The following GMDS variants were observed in gnomAD, a reference collection of about 807,000 sequenced individuals.
GMDS encodes the protein GDP-mannose 4,6 dehydratase.
Under a neutral mutation model 49.9 loss-of-function variants are expected in GMDS, and 20 were observed. That is an observed-to-expected ratio of 0.40 (90% CI 0.28 to 0.58). The LOEUF (loss-of-function observed/expected upper bound fraction) is 0.58. GMDS is among the 20% of genes least tolerant of loss of function. The probability of loss-of-function intolerance (pLI) is 0.42; values close to 1 mark genes in which losing one functional copy is unlikely to be tolerated. For missense variants in GMDS, 362 were observed against 481.4 expected (o/e 0.75, Z 2.32); for synonymous variants, 177 against 178.6 (o/e 0.99, Z 0.07).
intron 4 of GMDS, among the ~76,000 whole-genome samples, chr6:1,999,515 A>G (rs2127377876): frequency 6.6e-6 from 1 of 152,110 alleles, no homozygotes; most frequent in Admixed American, 6.6e-5. Context: ...GCAAGGATAC[A>G]GTGGCATGAA....
chr6:1,666,006 C>T (rs1403871533), intron 9 of GMDS, among the ~76,000 whole-genome samples: 1 of 152,172 alleles, frequency 6.6e-6, no homozygotes, highest in Non-Finnish European at 1.5e-5. Context: ...GAGTTAAACT[C>T]GACCTCTGGG....
intron 1 of GMDS, among the ~76,000 whole-genome samples, chr6:2,240,313 T>C (rs1781553938): frequency 1.3e-5 from 2 of 152,210 alleles, no homozygotes; most frequent in Non-Finnish European, 2.9e-5. Context: ...ATTATTCTGT[T>C]AACACTATGG....
intron 4 of GMDS, among the ~76,000 whole-genome samples, chr6:2,060,962 G>C (rs528444189): frequency 6.6e-6 from 1 of 152,060 alleles, no homozygotes; most frequent in African/African-American, 2.4e-5. Context: ...GGAGGTTGCG[G>C]TGAGCCAAGA....
chr6:2,102,973 T>C (rs1049059756), intron 4 of GMDS, among the ~76,000 whole-genome samples: 8 of 152,214 alleles, frequency 5.3e-5, no homozygotes, highest in African/African-American at 1.2e-4. Context: ...GCATACAAAC[T>C]GAAGTTAACA....
intron 1 of GMDS, among the ~76,000 whole-genome samples, chr6:2,183,337 T>G (rs570401484): frequency 6.6e-6 from 1 of 152,134 alleles, no homozygotes; most frequent in Non-Finnish European, 1.5e-5. Context: ...TAACATAAGT[T>G]TGGAAGAAGT....
At chr6:1,807,857 C>T (rs1376253686) in intron 7 of GMDS, among the ~76,000 whole-genome samples, 1 of 152,018 alleles carries the variant, frequency 6.6e-6, no homozygotes, top group Non-Finnish European at 1.5e-5. Context: ...TTCTTAAAGG[C>T]ACAAAAATCA....
At chr6:1,744,819 G>A (rs946696082) in intron 7 of GMDS, among the ~76,000 whole-genome samples, 12 of 152,326 alleles carry the variant, frequency 7.9e-5, no homozygotes, top group Admixed American at 2.6e-4. Flanking sequence ...TCTAGGTCCC[G>A]GACCAGGGTC....
At chr6:2,127,032 C>G (rs1034011033) in intron 1 of GMDS, among the ~76,000 whole-genome samples, 2 of 152,074 alleles carry the variant, frequency 1.3e-5, no homozygotes, top group Non-Finnish European at 2.9e-5. Flanking sequence ...CTTTTTTAAT[C>G]CCATTCTTAC....
At chr6:2,085,612 C>T (rs1463816584) in intron 4 of GMDS, among the ~76,000 whole-genome samples, 17 of 152,208 alleles carry the variant, frequency 1.1e-4, no homozygotes, top group African/African-American at 3.9e-4. Flanking sequence ...TCACTGTAGC[C>T]TCAACATTTT....
At chr6:1,812,440 T>C (rs546529994) in intron 7 of GMDS, among the ~76,000 whole-genome samples, 2 of 151,924 alleles carry the variant, frequency 1.3e-5, no homozygotes, top group African/African-American at 4.8e-5. Flanking sequence ...GTTCCCAGTG[T>C]TGGCAGCTGT....
At chr6:2,231,273 A>G (rs554672385) in intron 1 of GMDS, among the ~76,000 whole-genome samples, 1 of 152,206 alleles carries the variant, frequency 6.6e-6, no homozygotes, top group Admixed American at 6.5e-5. Flanking sequence ...AAAAGTGCCC[A>G]AGGGCCAGGA....
intron 4 of GMDS, among the ~76,000 whole-genome samples, chr6:2,114,206 G>C (rs1774715525): frequency 6.6e-6 from 1 of 152,118 alleles, no homozygotes; most frequent in South Asian, 2.1e-4. Context: ...TCAGCTCCTA[G>C]AGGTGATAAA....
chr6:1,663,378 C>G (rs1764142871), intron 9 of GMDS, among the ~76,000 whole-genome samples: 1 of 152,200 alleles, frequency 6.6e-6, no homozygotes, highest in Admixed American at 6.5e-5. Flanking sequence ...CATATTGCTT[C>G]TTGTTCTCAC....
chr6:2,089,633 C>T (rs914871794), intron 4 of GMDS, among the ~76,000 whole-genome samples: 1 of 152,206 alleles, frequency 6.6e-6, no homozygotes, highest in African/African-American at 2.4e-5. Flanking sequence ...GTGTTGTTCA[C>T]TGCTTTTGAA....
rs140960971 is a variant in GMDS, at chr6:2,048,510, A to T, written c.345+67261T>A. On this transcript the variant is annotated intron_variant, in intron 4 of 10. Transcript: ENST00000380815. ...TATGTTTTCCTTCAAGACTGTATTG[A>T]CAATTCTTGTCCCTTTGCATTTACA... Among the ~76,000 whole-genome samples, 353 of 152,312 alleles carry T rather than the reference A, an allele frequency of 2.3e-3. 3 individuals are homozygous for T. Among genetic ancestry groups the T allele is most frequent in the South Asian group, 0.015 (71 of 4,822 alleles).
chr6:1,729,045 G>A (rs144423797), intron 8 of GMDS, among the ~76,000 whole-genome samples: 194 of 152,140 alleles, frequency 1.3e-3, no homozygotes, highest in African/African-American at 4.1e-3. Context: ...TGCTTCGGCC[G>A]ATCAGGTTAA....
chr6:2,004,626 C>A (rs1767043128), intron 4 of GMDS, among the ~76,000 whole-genome samples: 1 of 152,138 alleles, frequency 6.6e-6, no homozygotes, highest in Non-Finnish European at 1.5e-5. Context: ...TTCTTACTGA[C>A]AGAAGCCTTC....
At chr6:1,749,954 T>A (rs1159142206) in intron 7 of GMDS, among the ~76,000 whole-genome samples, 1 of 152,114 alleles carries the variant, frequency 6.6e-6, no homozygotes, top group East Asian at 1.9e-4. Flanking sequence ...GCTTCAGCCT[T>A]CCAAGTAGAT....
intron 4 of GMDS, among the ~76,000 whole-genome samples, chr6:2,055,176 T>C (rs1025714652): frequency 6.6e-6 from 1 of 150,992 alleles, no homozygotes; most frequent in Non-Finnish European, 1.5e-5. Context: ...AGAGAGAAAA[T>C]GTATCAAACA....
Sources: gnomAD v4.1 joint callset for allele counts (sites outside exome capture counted in the v4.1 genomes callset) on GRCh38, gnomAD v4.1.1 for gene constraint, MANE v1.5 for transcripts, NCBI Gene and HGNC (gene_info 2026-07-23, HGNC 2026-07-21) for gene names.